The following MBD2 variants were observed in gnomAD, a reference collection of about 807,000 sequenced individuals.
MBD2 encodes the protein methyl-CpG-binding domain protein 2.
MBD2 carries 9 observed loss-of-function variants against 39.3 expected under a neutral mutation model. The ratio of observed to expected loss-of-function variants is 0.23; its 90% CI spans 0.14 to 0.40. The LOEUF (loss-of-function observed/expected upper bound fraction) is 0.40. Ranked by LOEUF, MBD2 falls within the 10% of genes least tolerant of loss-of-function variation. The pLI is 1.00. For missense variants in MBD2, 458 were observed against 532.6 expected, an observed-to-expected ratio of 0.86 and a Z score of 1.38; for synonymous variants, 233 against 211.1, an observed-to-expected ratio of 1.10 and a Z score of -0.90.
At chr18:54,191,427 A>G (rs766001364) in intron 2 of MBD2, among the ~76,000 whole-genome samples, 42 of 152,214 alleles carry the variant, frequency 2.8e-4, no homozygotes, top group Non-Finnish European at 5.3e-4. Context: ...GTCAGCACCT[A>G]AAAATCTAGA....
intron 2 of MBD2, among the ~76,000 whole-genome samples, chr18:54,196,758 C>G (rs1213376983): frequency 2.0e-5 from 3 of 152,198 alleles, no homozygotes; most frequent in African/African-American, 7.2e-5. Context: ...AGTCCAGACC[C>G]TCTCAGAAAG....
chr18:54,223,819 G>A lies in MBD2; in HGVS notation c.542+199C>T, dbSNP rs952329915. Among the ~76,000 whole-genome samples, 8 of 151,932 alleles carry A rather than the reference G, an allele frequency of 5.3e-5. No homozygotes were observed. In the South Asian group the frequency reaches 1.7e-3, roughly 32 times the overall value. On this transcript the variant is annotated intron_variant, in intron 1 of 6. Coordinates refer to ENST00000256429, the MANE Select transcript of MBD2 (RefSeq NM_003927.5). The stretch of plus-strand genomic sequence containing the variant: ...CCTTCCACATAAGATGCCCTCCTGC[G>A]GGCCCTCACCTTTTGACACTGCCTC...
intron 5 of MBD2, among the ~76,000 whole-genome samples, chr18:54,163,942 G>C (rs1334503014): frequency 6.6e-6 from 1 of 152,126 alleles, no homozygotes; most frequent in African/African-American, 2.4e-5. Context: ...GGAGTGCAGG[G>C]ATGTGACGAC....
Position 54,164,697 on chromosome 18 carries a change from A to G in MBD2, c.935T>C (p.Val312Ala). 1 of 1,597,084 alleles carries G rather than the reference A, an allele frequency of 6.3e-7. No homozygotes were observed. The highest frequency in any genetic ancestry group is 8.6e-7 in the Non-Finnish European group (1 of 1,165,582). ...TMELPKGLQG[V>A]GPGSNDETLL... The stretch of plus-strand genomic sequence containing the variant: ...GGTCTCATCATTGCTACCTGGACCA[A>G]CTCCTGCAATGAGAAACAAGTACTA... Residue 312 changes from valine to alanine, a missense_variant, in exon 5 of 7, where the codon GTT (valine) becomes GCT (alanine). Val to Ala is a moderately conservative substitution (Grantham distance 64). Coordinates refer to ENST00000256429, the MANE Select transcript of MBD2 (RefSeq NM_003927.5).
chr18:54,212,058 A>G (rs2086512902), intron 1 of MBD2, among the ~76,000 whole-genome samples: 1 of 151,740 alleles, frequency 6.6e-6, no homozygotes, highest in Admixed American at 6.6e-5. Context: ...GGGTTTCACT[A>G]TGTTGGTCCT....
intron 1 of MBD2, among the ~76,000 whole-genome samples, chr18:54,220,149 T>C (rs553707565): frequency 6.6e-5 from 10 of 152,250 alleles, no homozygotes; most frequent in Admixed American, 2.0e-4. Context: ...TAAAAGACTA[T>C]GTGAGGAAGA....
intron 1 of MBD2, 45 bp downstream of exon 1, chr18:54,223,972 AC>A (rs749975336): frequency 4.7e-6 from 6 of 1,289,540 alleles, no homozygotes; most frequent in Non-Finnish European, 6.5e-6. Flanking sequence ...TTGACCCCTG[AC>A]CCCGGCCTGA....
intron 3 of MBD2, among the ~76,000 whole-genome samples, chr18:54,171,418 G>A (rs2086178990): frequency 7.0e-6 from 1 of 143,286 alleles, no homozygotes; most frequent in Middle Eastern, 3.5e-3. Flanking sequence ...CATGCACGTA[G>A]TGGGGGTGTA....
chr18:54,187,495 T>C (rs1232222454), intron 3 of MBD2, among the ~76,000 whole-genome samples: 1 of 152,206 alleles, frequency 6.6e-6, no homozygotes, highest in East Asian at 1.9e-4. Flanking sequence ...AACGGCTTTA[T>C]CAAGGTGGGC....
Position 54,224,331 on chromosome 18 carries a change from C to T in MBD2, c.229G>A (p.Gly77Ser), listed in dbSNP as rs1183844683. 1.9e-6 allele frequency: 2 copies of T among 1,038,798 alleles called. No homozygotes were observed. The highest frequency in any genetic ancestry group is 2.3e-6 in the Non-Finnish European group (2 of 865,246). 64.3% of individuals were successfully genotyped at this position (1,038,798 alleles called of 1,614,324 possible). A position where few individuals can be genotyped will look rare whatever the true frequency, so the allele number is the denominator to read the frequency against. ...AGRGGGVCGR[G>S]RGRGRGRGRG... ...CCCCGGCCACGGCCCCGGCCCCGGC[C>T]ACGGCCACAGACGCCGCCGCCCCGG... The change falls in exon 1 of 7, where the codon GGC (glycine) becomes AGC (serine). Residue 77 changes from glycine (G) to serine (S), a missense_variant. Transcript: ENST00000256429.
intron 2 of MBD2, chr18:54,202,596 A>C: frequency 2.1e-6 from 1 of 480,564 alleles, no homozygotes; most frequent in Non-Finnish European, 2.8e-6. Context: ...ATTTAAATAA[A>C]ATCAGATGCA....
At chr18:54,210,893 A>G (rs1292328394) in intron 1 of MBD2, among the ~76,000 whole-genome samples, 1 of 127,896 alleles carries the variant, frequency 7.8e-6, no homozygotes, top group Non-Finnish European at 1.6e-5. Flanking sequence ...TTTTTTTGAG[A>G]CAGAGTCTCG....
At chr18:54,192,584 T>A (rs2086328651) in intron 2 of MBD2, among the ~76,000 whole-genome samples, 1 of 152,176 alleles carries the variant, frequency 6.6e-6, no homozygotes. Context: ...AAAGGTGGCA[T>A]CATGTGTCTA....
intron 1 of MBD2, among the ~76,000 whole-genome samples, chr18:54,213,697 C>T (rs1450007710): frequency 6.6e-6 from 1 of 152,138 alleles, no homozygotes; most frequent in East Asian, 1.9e-4. Flanking sequence ...CAAAATATAA[C>T]TAGGGGGAAC....
At position 54,159,808 on chromosome 18, in the gene MBD2, T is replaced by C. The variant is rs887780098; in HGVS notation, c.1205A>G (p.Asp402Gly). 1 of 1,612,102 alleles carries C rather than the reference T, an allele frequency of 6.2e-7. No homozygotes were observed. Among genetic ancestry groups the C allele is most frequent in the Non-Finnish European group, 8.5e-7 (1 of 1,179,990 alleles). ...LSRAADTEEM[D>G]IEMDSGDEA Reference sequence around the variant, plus strand: ...TTCATCTCCACTGTCCATTTCAATATCCATCTCTTCTGTATCAGCAGCTCG... The same window carrying C: ...TTCATCTCCACTGTCCATTTCAATACCCATCTCTTCTGTATCAGCAGCTCG... The change falls in exon 6 of 7, where the codon GAT becomes GGT. Residue 402 changes from aspartate (D) to glycine (G), a missense_variant. Asp to Gly is a moderately conservative substitution (Grantham distance 94). Around this residue, in one of 2 missense-constraint regions of MBD2, gnomAD observed 189 missense variants for 296.6 expected, o/e 0.64. Coordinates refer to ENST00000256429, the MANE Select transcript of MBD2 (RefSeq NM_003927.5).
At chr18:54,213,066 T>C (rs939375323) in intron 1 of MBD2, among the ~76,000 whole-genome samples, 1 of 12,740 alleles carries the variant, frequency 7.8e-5, no homozygotes, top group Non-Finnish European at 1.5e-4. Flanking sequence ...TGGGGATGGG[T>C]GGGGAAGGAT....
chr18:54,183,530 A>G (rs987965971), intron 3 of MBD2, among the ~76,000 whole-genome samples: 1 of 152,246 alleles, frequency 6.6e-6, no homozygotes, highest in Non-Finnish European at 1.5e-5. Flanking sequence ...AGGTAGTCAT[A>G]TTGTTTAACG....
intron 2 of MBD2, among the ~76,000 whole-genome samples, chr18:54,193,706 G>A (rs1038790027): frequency 2.0e-5 from 3 of 152,088 alleles, no homozygotes; most frequent in Non-Finnish European, 4.4e-5. Flanking sequence ...TGATACTAGA[G>A]CTAAGCATCA....
chr18:54,197,018 T>C (rs1199658923), intron 2 of MBD2, among the ~76,000 whole-genome samples: 1 of 152,252 alleles, frequency 6.6e-6, no homozygotes. Context: ...ATCAGCTAAA[T>C]ATCCTTTATG....
Sources: gnomAD v4.1 joint callset for allele counts (sites outside exome capture counted in the v4.1 genomes callset) on GRCh38, gnomAD v4.1.1 for gene constraint, gnomAD v4.1.1 regional missense constraint, MANE v1.5 for transcripts, NCBI Gene and HGNC (gene_info 2026-07-23, HGNC 2026-07-21) for gene names.